LIMS1: variants seen among roughly 807,000 people sequenced by gnomAD.
LIMS1 encodes LIM and senescent cell antigen-like-containing domain protein 1.
A neutral mutation model predicts 44.1 loss-of-function variants in LIMS1; 18 were observed. That is an observed-to-expected ratio of 0.41 (90% CI 0.28 to 0.61). The LOEUF (loss-of-function observed/expected upper bound fraction) is 0.61, where lower values mean the gene tolerates loss of function less well. LIMS1 is among the 20% of genes least tolerant of loss of function. The probability of loss-of-function intolerance (pLI) is 0.32; values close to 1 mark genes in which losing one functional copy is unlikely to be tolerated. For synonymous variants in LIMS1, 93 were observed against 149.1 expected, an observed-to-expected ratio of 0.62 and a Z score of 2.74; for missense variants, 201 against 422.0, an observed-to-expected ratio of 0.48 and a Z score of 4.59.
chr2:108,668,750 A>T (rs1486719852), intron 2 of LIMS1, among the ~76,000 whole-genome samples: 1 of 152,226 alleles, frequency 6.6e-6, no homozygotes, highest in African/African-American at 2.4e-5. Context: ...GCTGGATCAT[A>T]TGGTAGTTCC....
rs1313225687 is a variant in LIMS1 at position 108,587,972 on chromosome 2, A to T, written c.32+53378A>T. ...GACCCCAGAGTAGCATTCAGAGGGCACATAAAGAAGCTCCGTTAATTCAAA... is the reference window on the plus strand; with the variant it reads ...GACCCCAGAGTAGCATTCAGAGGGCTCATAAAGAAGCTCCGTTAATTCAAA... On this transcript the variant is annotated intron_variant, in intron 1 of 9. Coordinates refer to ENST00000544547, the Ensembl canonical transcript of LIMS1. Among the ~76,000 whole-genome samples, 3 of 152,230 alleles carry T rather than the reference A, an allele frequency of 2.0e-5. No individual in the cohort carries two copies. The East Asian group carries it at 5.8e-4, about 29-fold the overall frequency.
At chr2:108,606,273 G>A (rs1490729268) in intron 1 of LIMS1, among the ~76,000 whole-genome samples, 1 of 152,226 alleles carries the variant, frequency 6.6e-6, no homozygotes, top group African/African-American at 2.4e-5. Flanking sequence ...GGATGCTTGA[G>A]TGGCAGGTCT....
At position 108,545,234 on chromosome 2, in the gene LIMS1, G is replaced by C. The variant is rs1039919788; in HGVS notation, c.32+10640G>C. Among the ~76,000 whole-genome samples the C allele has an allele frequency of 5.4e-4, 82 of 152,234 alleles. 1 individual carries two copies. Among genetic ancestry groups the C allele is most frequent in the African/African-American group, 1.8e-3 (73 of 41,536 alleles). On this transcript the variant is annotated intron_variant, in intron 1 of 9. Coordinates refer to ENST00000544547, the Ensembl canonical transcript of LIMS1. ...CTGGATTTACCAGCTTATATCCTCA[G>C]GGTATATGGTTTAACATCCTCATAT...
intron 1 of LIMS1, among the ~76,000 whole-genome samples, chr2:108,651,559 A>G (rs1427924973): frequency 1.3e-5 from 2 of 152,252 alleles, no homozygotes; most frequent in African/African-American, 2.4e-5. Context: ...TTCATAGTAT[A>G]TGGTACCTTT....
chr2:108,596,910 C>A (rs1686726877), intron 1 of LIMS1, among the ~76,000 whole-genome samples: 2 of 135,450 alleles, frequency 1.5e-5, no homozygotes, highest in Non-Finnish European at 3.1e-5. Flanking sequence ...CCCTACGAAA[C>A]ATCTGTTTTT....
chr2:108,642,269 A>C (rs1689718464), intron 1 of LIMS1, among the ~76,000 whole-genome samples: 2 of 150,832 alleles, frequency 1.3e-5, no homozygotes, highest in Admixed American at 1.3e-4. Context: ...AATCCTACAG[A>C]TATTTGGTAA....
intron 1 of LIMS1, among the ~76,000 whole-genome samples, chr2:108,646,378 C>T (rs1690062747): frequency 6.6e-6 from 1 of 152,176 alleles, no homozygotes; most frequent in Non-Finnish European, 1.5e-5. Context: ...TCCTGAATGA[C>T]TACTGGGTAA....
At chr2:108,642,561 G>A (rs1020548380) in intron 1 of LIMS1, among the ~76,000 whole-genome samples, 2 of 151,664 alleles carry the variant, frequency 1.3e-5, no homozygotes, top group South Asian at 2.1e-4. Flanking sequence ...GGGTTTCACC[G>A]TGTTAGCCAG....
At chr2:108,571,077 A>G (rs1480337923) in intron 1 of LIMS1, among the ~76,000 whole-genome samples, 1 of 152,168 alleles carries the variant, frequency 6.6e-6, no homozygotes, top group African/African-American at 2.4e-5. Context: ...TGCATCAGAT[A>G]TTATTACGTA....
chr2:108,662,293 C>G, intron 2 of LIMS1: 2 of 1,611,976 alleles, frequency 1.2e-6, no homozygotes, highest in Non-Finnish European at 1.7e-6. Context: ...CTCCTGCTGC[C>G]GCATTTAGGC....
At chr2:108,664,835 T>A (rs1243235157) in intron 2 of LIMS1, among the ~76,000 whole-genome samples, 1 of 152,072 alleles carries the variant, frequency 6.6e-6, no homozygotes, top group Non-Finnish European at 1.5e-5. Flanking sequence ...GCAGGATGAA[T>A]GGTGGCAAGG....
chr2:108,549,357 TG>T (rs1318368618), intron 1 of LIMS1, among the ~76,000 whole-genome samples: 1 of 132,958 alleles, frequency 7.5e-6, no homozygotes, highest in East Asian at 2.5e-4. Context: ...TGTAGTGGCA[TG>T]ATCTCGGCTC....
At chr2:108,641,362 G>A (rs1323767037) in intron 1 of LIMS1, among the ~76,000 whole-genome samples, 1 of 152,116 alleles carries the variant, frequency 6.6e-6, no homozygotes, top group African/African-American at 2.4e-5. Context: ...CATTTCAGAG[G>A]GAGTTTCTTG....
chr2:108,619,289 T>TTGTA (rs1278472782), intron 1 of LIMS1, among the ~76,000 whole-genome samples: 1 of 152,196 alleles, frequency 6.6e-6, no homozygotes, highest in Non-Finnish European at 1.5e-5. Flanking sequence ...TTGATTTGTG[T>TTGTA]TTTATTCATT....
chr2:108,576,283 T>G (rs1685667821), intron 1 of LIMS1, among the ~76,000 whole-genome samples: 1 of 151,820 alleles, frequency 6.6e-6, no homozygotes, highest in African/African-American at 2.4e-5. Flanking sequence ...TTGTTTTGTT[T>G]TGTTTTGTTG....
At chr2:108,625,036 GC>G (rs1248988819) in intron 1 of LIMS1, among the ~76,000 whole-genome samples, 1 of 152,200 alleles carries the variant, frequency 6.6e-6, no homozygotes, top group African/African-American at 2.4e-5. Flanking sequence ...CCGAGATCAC[GC>G]CGTTGCACTG....
intron 1 of LIMS1, among the ~76,000 whole-genome samples, chr2:108,545,965 A>G (rs187089769): frequency 1.5e-3 from 228 of 152,368 alleles, no homozygotes; most frequent in Non-Finnish European, 2.5e-3. Flanking sequence ...ACTTCTAAAA[A>G]GAGAAGCCCT....
chr2:108,538,743 A>C (rs1336773454), intron 1 of LIMS1, among the ~76,000 whole-genome samples: 1 of 152,204 alleles, frequency 6.6e-6, no homozygotes, highest in Admixed American at 6.5e-5. Flanking sequence ...TATTTTAACC[A>C]TTTTTGAGTG....
At chr2:108,656,472 TTAAAG>T (rs1690856436) in intron 1 of LIMS1, among the ~76,000 whole-genome samples, 1 of 152,262 alleles carries the variant, frequency 6.6e-6, no homozygotes, top group Admixed American at 6.5e-5. Flanking sequence ...AATGACTTTT[TTAAAG>T]TAATTTCTGT....
Sources: allele counts gnomAD v4.1 joint callset (sites outside exome capture counted in the v4.1 genomes callset), GRCh38; gene constraint gnomAD v4.1.1; transcripts MANE v1.5; gene names NCBI Gene and HGNC (gene_info 2026-07-23, HGNC 2026-07-21).